Variants in PACRG observed in about 807,000 individuals in gnomAD.
PACRG encodes parkin coregulated gene protein.
PACRG carries 29 observed loss-of-function variants against 29.7 expected under a neutral mutation model. The ratio of observed to expected loss-of-function variants is 0.98; its 90% confidence interval spans 0.73 to 1.33. PACRG has a LOEUF of 1.33. PACRG is among the 40% of genes most tolerant of loss of function. The pLI, the probability that PACRG is intolerant of heterozygous loss-of-function variation, is 0.00. For synonymous variants in PACRG, 116 were observed against 118.7 expected (o/e 0.98, Z 0.15); for missense variants, 279 against 316.2 (o/e 0.88, Z 0.89).
intron 4 of PACRG, among the ~76,000 whole-genome samples, chr6:163,132,613 A>G (rs1816783771): frequency 1.3e-5 from 2 of 152,232 alleles, no homozygotes; most frequent in South Asian, 4.1e-4. Context: ...CATGACAGTT[A>G]CAAGCATGTG....
chr6:163,019,434 C>A (rs1321912219), intron 2 of PACRG, among the ~76,000 whole-genome samples: 3 of 152,136 alleles, frequency 2.0e-5, no homozygotes, highest in Admixed American at 2.0e-4. Flanking sequence ...CAGCTCCGCT[C>A]GATTTGGATT....
intron 2 of PACRG, among the ~76,000 whole-genome samples, chr6:162,982,225 T>C (rs1327614100): frequency 1.3e-5 from 2 of 152,078 alleles, no homozygotes; most frequent in Non-Finnish European, 2.9e-5. Context: ...CTATCAGTTT[T>C]GTTCATCTTT....
intron 4 of PACRG, among the ~76,000 whole-genome samples, chr6:163,242,414 C>T (rs1359553910): frequency 1.3e-5 from 2 of 152,224 alleles, no homozygotes; most frequent in African/African-American, 2.4e-5. Flanking sequence ...CAGTACAATT[C>T]AAATGTGTTT....
In PACRG at chr6:163,213,058, A is replaced by G. The variant is rs549091377; in HGVS notation, c.614-101769A>G. ...CTCCCAAAGTGCTGGGATTACAGGCATGAGCCACCATGCCCAACCAGAAAC... is the reference window on the plus strand; with the variant it reads ...CTCCCAAAGTGCTGGGATTACAGGCGTGAGCCACCATGCCCAACCAGAAAC... On this transcript the variant is annotated intron_variant, in intron 4 of 4. Coordinates refer to ENST00000366888, the MANE Select transcript of PACRG (RefSeq NM_001080379.2). Among the ~76,000 whole-genome samples the G allele has an allele frequency of 2.1e-4, 32 of 152,312 alleles. No individual in the cohort carries two copies. The East Asian group carries it at 2.9e-3, about 14-fold the overall frequency.
chr6:162,980,712 C>T (rs1315017588), intron 2 of PACRG, among the ~76,000 whole-genome samples: 1 of 152,118 alleles, frequency 6.6e-6, no homozygotes, highest in Non-Finnish European at 1.5e-5. Flanking sequence ...CCTTCCATCA[C>T]TTATGTGGAA....
At chr6:163,129,050 T>C (rs550689986) in intron 4 of PACRG, among the ~76,000 whole-genome samples, 92 of 146,616 alleles carry the variant, frequency 6.3e-4, no homozygotes, top group African/African-American at 2.2e-3. Context: ...CCATTGATGA[T>C]TGTGGTAGCT....
intron 2 of PACRG, among the ~76,000 whole-genome samples, chr6:162,930,922 A>C (rs1255268287): frequency 1.3e-5 from 2 of 152,036 alleles, no homozygotes; most frequent in East Asian, 3.9e-4. Context: ...CCTGGGATGC[A>C]TGCCACTTGA....
chr6:162,882,167 C>T (rs1412951959), intron 2 of PACRG, among the ~76,000 whole-genome samples: 1 of 147,070 alleles, frequency 6.8e-6, no homozygotes, highest in East Asian at 2.0e-4. Context: ...GGGGCGCTCT[C>T]CACCAAGACC....
At chr6:163,086,604 A>G (rs1317763344) in intron 3 of PACRG, among the ~76,000 whole-genome samples, 1 of 152,108 alleles carries the variant, frequency 6.6e-6, no homozygotes, top group Non-Finnish European at 1.5e-5. Flanking sequence ...AAGTGTTTTC[A>G]TGCAACAAAC....
At chr6:162,771,218 G>C (rs1783193123) in intron 1 of PACRG, among the ~76,000 whole-genome samples, 1 of 151,964 alleles carries the variant, frequency 6.6e-6, no homozygotes, top group African/African-American at 2.4e-5. Context: ...TAAATTCTTG[G>C]GTAGAATGTC....
At chr6:162,922,833 C>T (rs1390625433) in intron 2 of PACRG, among the ~76,000 whole-genome samples, 2 of 152,150 alleles carry the variant, frequency 1.3e-5, no homozygotes, top group African/African-American at 2.4e-5. Flanking sequence ...AGGTTGATTT[C>T]ATATCTTGGC....
intron 2 of PACRG, among the ~76,000 whole-genome samples, chr6:162,845,362 G>A (rs957681641): frequency 1.3e-5 from 2 of 151,562 alleles, no homozygotes; most frequent in Non-Finnish European, 2.9e-5. Flanking sequence ...TCATTGCAGT[G>A]TGGCAACAAG....
intron 2 of PACRG, among the ~76,000 whole-genome samples, chr6:162,989,667 G>GAAA (rs1803244311): frequency 6.6e-6 from 1 of 150,486 alleles, no homozygotes; most frequent in East Asian, 2.0e-4. Flanking sequence ...TCCTTGGATT[G>GAAA]AATCCACAGA....
chr6:163,098,675 A>G (rs1814820142), intron 4 of PACRG, among the ~76,000 whole-genome samples: 1 of 152,212 alleles, frequency 6.6e-6, no homozygotes. Context: ...AATTCAGGGC[A>G]AGTCCATAAA....
intron 4 of PACRG, chr6:163,190,904 T>A (rs1419510529): frequency 2.2e-6 from 1 of 455,568 alleles, no homozygotes; most frequent in Non-Finnish European, 4.4e-6. Context: ...CCAAGCACAC[T>A]CACCCAGTGC....
chr6:163,231,987 A>G (rs902379394), intron 4 of PACRG, among the ~76,000 whole-genome samples: 3 of 152,238 alleles, frequency 2.0e-5, no homozygotes, highest in African/African-American at 7.2e-5. Context: ...CATCTGCAGT[A>G]TATGTTGAAA....
chr6:162,948,891 C>G (rs1475217478), intron 2 of PACRG, among the ~76,000 whole-genome samples: 1 of 151,708 alleles, frequency 6.6e-6, no homozygotes, highest in East Asian at 1.9e-4. Context: ...AAATAAATGC[C>G]GGTGAGCATG....
intron 4 of PACRG, among the ~76,000 whole-genome samples, chr6:163,236,844 C>T (rs1181953461): frequency 6.6e-6 from 1 of 152,088 alleles, no homozygotes; most frequent in East Asian, 1.9e-4. Flanking sequence ...CTGGGGAGGC[C>T]TCAGGAAACT....
At chr6:162,850,969 T>A (rs538212226) in intron 2 of PACRG, among the ~76,000 whole-genome samples, 4 of 152,180 alleles carry the variant, frequency 2.6e-5, no homozygotes, top group African/African-American at 2.4e-5. Context: ...GTGTCAGGAC[T>A]GAATCCTAGG....
Sources: allele counts gnomAD v4.1 joint callset (sites outside exome capture counted in the v4.1 genomes callset), GRCh38; gene constraint gnomAD v4.1.1; transcripts MANE v1.5; gene names NCBI Gene and HGNC (gene_info 2026-07-23, HGNC 2026-07-21).